NRG4: variants seen among roughly 807,000 people sequenced by gnomAD.
The protein encoded by NRG4 is neuregulin 4.
A neutral mutation model predicts 15.0 loss-of-function variants in NRG4; 10 were observed. The observed-to-expected ratio is 0.67, with a 90% CI of 0.41 to 1.13. The LOEUF is 1.13. Among genes scored for constraint, NRG4 ranks in the 50% most tolerant of loss-of-function variants. The pLI is 0.00. For missense variants in NRG4, 139 were observed against 140.2 expected (o/e 0.99, Z 0.04); for synonymous variants, 41 against 50.1 (o/e 0.82, Z 0.77).
Position 75,957,587 on chromosome 15 carries a change from T to G in NRG4, c.252-1576A>C, listed in dbSNP as rs183168017. Among the ~76,000 whole-genome samples the G allele has an allele frequency of 1.2e-3, 184 of 152,288 alleles. 1 individual carries two copies. Among genetic ancestry groups the G allele is most frequent in the African/African-American group, 4.4e-3 (184 of 41,552 alleles). On this transcript the variant is annotated intron_variant, in intron 4 of 5. Transcript: ENST00000394907. ...CTGTTGCACCCATATGTAAATTTAT[T>G]TTTATTTATCCTGCTTGAGATTTGT...
intron 5 of NRG4, among the ~76,000 whole-genome samples, chr15:76,017,818 C>T (rs187221714): frequency 1.3e-5 from 2 of 152,130 alleles, no homozygotes; most frequent in Non-Finnish European, 2.9e-5. Context: ...GGTTGCTCTT[C>T]TCGAGTAGTA....
At chr15:76,014,687 T>C (rs921614737), upstream of NRG4, among the ~76,000 whole-genome samples, 4 of 152,212 alleles carry the variant, frequency 2.6e-5, no homozygotes, top group African/African-American at 9.7e-5. Context: ...GCCTCTGTTC[T>C]GTTCCATTGG....
Position 75,986,231 on chromosome 15 carries a change from T to A in NRG4, c.104+22969A>T, listed in dbSNP as rs115633410. The stretch of plus-strand genomic sequence containing the variant: ...TACTCTGCTAGGAAATGACATACTC[T>A]CATATACAGCTGGTAAGAATTCACA... On this transcript the variant is annotated intron_variant, in intron 3 of 5. Transcript: ENST00000394907. Among the ~76,000 whole-genome samples, 1,309 of 152,262 alleles carry A rather than the reference T, an allele frequency of 8.6e-3. 24 individuals are homozygous for A. The highest frequency in any genetic ancestry group is 0.029 in the African/African-American group (1,212 of 41,542).
At chr15:75,944,514 C>T (rs1305105861) in intron 5 of NRG4, among the ~76,000 whole-genome samples, 1 of 152,278 alleles carries the variant, frequency 6.6e-6, no homozygotes, top group East Asian at 1.9e-4. Context: ...TCCAGAAGCA[C>T]ACAAGGCGAC....
chr15:76,026,843 C>A (rs999403199), intron 5 of NRG4, among the ~76,000 whole-genome samples: 1 of 152,086 alleles, frequency 6.6e-6, no homozygotes, highest in Non-Finnish European at 1.5e-5. Context: ...AAACAAGAGG[C>A]CAGGTGTGGT....
intron 3 of NRG4, among the ~76,000 whole-genome samples, chr15:75,970,043 T>C (rs778103541): frequency 2.0e-5 from 3 of 152,222 alleles, no homozygotes; most frequent in Non-Finnish European, 2.9e-5. Flanking sequence ...AACTACAACC[T>C]TCTACTAAAT....
intron 4 of NRG4, among the ~76,000 whole-genome samples, chr15:76,045,007 C>G (rs926940965): frequency 1.3e-5 from 2 of 150,498 alleles, no homozygotes; most frequent in African/African-American, 2.5e-5. Context: ...AAAGAAACAA[C>G]CCACAGAATG....
chr15:76,029,464 A>C (rs2035411744), intron 5 of NRG4, among the ~76,000 whole-genome samples: 1 of 152,164 alleles, frequency 6.6e-6, no homozygotes, highest in African/African-American at 2.4e-5. Context: ...AGGGCATCCA[A>C]ATTAGAAAGG....
chr15:76,039,495 C>A (rs191319697), intron 4 of NRG4, among the ~76,000 whole-genome samples: 3 of 152,016 alleles, frequency 2.0e-5, no homozygotes, highest in African/African-American at 7.3e-5. Context: ...GCATCAGAGA[C>A]TGTTAATAGT....
At chr15:75,981,996 G>C (rs541259470) in intron 3 of NRG4, among the ~76,000 whole-genome samples, 1 of 151,818 alleles carries the variant, frequency 6.6e-6, no homozygotes, top group African/African-American at 2.4e-5. Context: ...AATTCAAATA[G>C]ATCATTCTCC....
Position 75,941,308 on chromosome 15 carries a change from T to C in NRG4, c.*2330A>G, listed in dbSNP as rs1555428215. On this transcript the variant is annotated 3_prime_UTR_variant, in exon 6 of 6. Transcript: ENST00000394907. ...AAGTGTTGGCAAGGATGTGGAGAAA[T>C]TGGAACTCTTATTACTGATGGAAAT... The C allele has an allele frequency of 6.6e-6, 1 of 152,132 alleles. No homozygotes were observed. The highest frequency in any genetic ancestry group is 1.5e-5 in the Non-Finnish European group (1 of 68,008). 9.4% of individuals were successfully genotyped at this position (152,132 alleles called of 1,614,324 possible). A position where few individuals can be genotyped will look rare whatever the true frequency, so the allele number is the denominator to read the frequency against.
rs1429276015 is a variant in NRG4, at chr15:75,961,944, A to G, written c.135T>C (p.Cys45=). The stretch of plus-strand genomic sequence containing the variant: ...TGGAGCCTGGGAGAAAAACCTCTTC[A>G]CAACGAGCTCCTGTATAGTTTTCAA... ...RCVENYTGAR[C]EEVFLPGSSI... The change falls in exon 4 of 6, where the codon TGT becomes TGC. Residue 45 remains cysteine (C), a synonymous_variant. Transcript: ENST00000394907. 1 of 1,613,452 alleles carries G rather than the reference A, an allele frequency of 6.2e-7. No individual in the cohort carries two copies. The highest frequency in any genetic ancestry group is 8.5e-7 in the Non-Finnish European group (1 of 1,179,542).
At chr15:75,990,671 G>GTTTTTTTTTTTTTTTTTTTT (rs374504639) in intron 3 of NRG4, among the ~76,000 whole-genome samples, 3 of 130,618 alleles carry the variant, frequency 2.3e-5, no homozygotes, top group Non-Finnish European at 3.2e-5. Context: ...GTTGGTAATT[G>GTTTTTTTTTTTTTTTTTTTT]TTTTTTTTTT....
At chr15:75,992,868 T>C (rs957364671) in intron 3 of NRG4, among the ~76,000 whole-genome samples, 7 of 152,190 alleles carry the variant, frequency 4.6e-5, no homozygotes, top group African/African-American at 9.7e-5. Flanking sequence ...AATATTCCAT[T>C]GTGTATATAT....
intron 3 of NRG4, among the ~76,000 whole-genome samples, chr15:75,980,641 A>G (rs1195280410): frequency 2.0e-5 from 3 of 152,128 alleles, no homozygotes; most frequent in Admixed American, 2.0e-4. Context: ...TTCACTTTTC[A>G]ATTTTCTGTT....
chr15:75,950,662 T>C (rs2455897), intron 5 of NRG4: 180,523 of 190,736 alleles, frequency 0.95, 85,790 homozygotes, highest in East Asian at 1. Context: ...TTTTTTCCTG[T>C]TTATTCTTTG....
chr15:75,978,702 A>ATAT (rs556137171), intron 3 of NRG4, among the ~76,000 whole-genome samples: 40 of 152,132 alleles, frequency 2.6e-4, no homozygotes, highest in African/African-American at 9.6e-4. Context: ...ACCAGCACCT[A>ATAT]TTATTTTTGT....
intron 3 of NRG4, 151 bp from the exon 4 acceptor site, chr15:75,962,125 G>C (rs947167753): frequency 1.4e-5 from 7 of 506,398 alleles, no homozygotes; most frequent in Non-Finnish European, 2.4e-5. Context: ...AATGCTCACA[G>C]ATCTACAGTT....
intron 4 of NRG4, among the ~76,000 whole-genome samples, chr15:76,051,382 CCT>C (rs1009422692): frequency 3.3e-5 from 5 of 150,458 alleles, no homozygotes; most frequent in African/African-American, 1.2e-4. Context: ...CTCAAGCGAT[CCT>C]CTCGCCTCAG....
Sources: allele counts gnomAD v4.1 joint callset (sites outside exome capture counted in the v4.1 genomes callset), GRCh38; gene constraint gnomAD v4.1.1; transcripts MANE v1.5; gene names NCBI Gene and HGNC (gene_info 2026-07-23, HGNC 2026-07-21).